SNRPD1: variants seen among roughly 807,000 people sequenced by gnomAD.
The protein encoded by SNRPD1 is small nuclear ribonucleoprotein Sm D1.
Under a neutral mutation model 14.4 loss-of-function variants are expected in SNRPD1, and 1 was observed. The ratio of observed to expected loss-of-function variants is 0.07; its 90% confidence interval spans 0.02 to 0.33. The LOEUF is 0.33. Among genes scored for constraint, SNRPD1 ranks in the 10% least tolerant of loss-of-function variants. The pLI is 1.00. For missense variants in SNRPD1, 52 were observed against 146.4 expected (o/e 0.36, Z 3.33); for synonymous variants, 42 against 50.3 (o/e 0.83, Z 0.70).
chr18:21,621,697 C>A (rs1273215579), intron 1 of SNRPD1, among the ~76,000 whole-genome samples: 1 of 152,108 alleles, frequency 6.6e-6, no homozygotes, highest in East Asian at 1.9e-4. Context: ...CCTGCCTCAG[C>A]CTTCTGAGTA....
intron 3 of SNRPD1, among the ~76,000 whole-genome samples, chr18:21,627,815 T>C (rs2039052256): frequency 6.6e-6 from 1 of 152,192 alleles, no homozygotes; most frequent in Non-Finnish European, 1.5e-5. Context: ...GTCACTACTG[T>C]ATTATCTAGA....
At chr18:21,621,286 T>A (rs2038995946) in intron 1 of SNRPD1, among the ~76,000 whole-genome samples, 1 of 152,200 alleles carries the variant, frequency 6.6e-6, no homozygotes, top group South Asian at 2.1e-4. Flanking sequence ...AGGGTTTGCA[T>A]AATTGGGTTT....
rs1195154865 is a variant in SNRPD1 at position 21,629,161 on chromosome 18, A to G, written c.*23A>G. 21 of 1,557,324 alleles carry G rather than the reference A, an allele frequency of 1.3e-5. No homozygotes were observed. Among genetic ancestry groups the G allele is most frequent in the East Asian group, 2.2e-5 (1 of 44,600 alleles). ...TAATGTCTCTCAAGATTTCAAAGTC[A>G]TATGAGATTTGGGATATTTTTTGTA... On this transcript the variant is annotated 3_prime_UTR_variant, in exon 4 of 4. Transcript: ENST00000300413.
intron 1 of SNRPD1, among the ~76,000 whole-genome samples, chr18:21,621,061 G>A (rs988392378): frequency 8.6e-5 from 13 of 151,860 alleles, no homozygotes; most frequent in African/African-American, 2.9e-4. Context: ...CCAGCTACTC[G>A]GGAGGCTGAG....
rs1213899407 is a variant in SNRPD1 at position 21,631,340 on chromosome 18, C to T, written c.*2202C>T. ...AGAGACGGGGTTTCACCATGTTGGC[C>T]AGACTTAAGACAATTCTTTAATAGT... is the stretch of plus-strand genomic sequence containing the variant. On this transcript the variant is annotated 3_prime_UTR_variant, in exon 4 of 4. Transcript: ENST00000300413. The T allele has an allele frequency of 6.8e-6, 1 of 146,840 alleles. No homozygotes were observed. Among genetic ancestry groups the T allele is most frequent in the Non-Finnish European group, 1.5e-5 (1 of 67,200 alleles). The allele number at this position is 146,840 out of a possible 1,614,324, so 9.1% of individuals were successfully genotyped here. A position where few individuals can be genotyped will look rare whatever the true frequency, so the allele number is the denominator to read the frequency against.
chr18:21,626,067 G>T (rs1392433750), intron 3 of SNRPD1, among the ~76,000 whole-genome samples: 1 of 152,068 alleles, frequency 6.6e-6, no homozygotes, highest in Non-Finnish European at 1.5e-5. Context: ...TACAGTTTTT[G>T]TGTGTACACA....
At chr18:21,623,579 C>T (rs978249867) in intron 2 of SNRPD1, among the ~76,000 whole-genome samples, 169 bp from the exon 3 acceptor site, 1 of 152,226 alleles carries the variant, frequency 6.6e-6, no homozygotes, top group Non-Finnish European at 1.5e-5. Flanking sequence ...ACACTGCTGA[C>T]ATTCCCCCAT....
intron 1 of SNRPD1, among the ~76,000 whole-genome samples, chr18:21,619,722 T>C (rs574823836): frequency 7.3e-5 from 11 of 151,440 alleles, no homozygotes; most frequent in African/African-American, 2.7e-4. Flanking sequence ...GGAGGTTGCA[T>C]TGAGCCAAGA....
chr18:21,628,086 A>G (rs1392721104), intron 3 of SNRPD1, among the ~76,000 whole-genome samples: 1 of 152,136 alleles, frequency 6.6e-6, no homozygotes, highest in African/African-American at 2.4e-5. Flanking sequence ...AGTGTGTACA[A>G]ATTTCTAATG....
chr18:21,618,357 AAAAC>A (rs2038973056), intron 1 of SNRPD1, among the ~76,000 whole-genome samples: 2 of 151,922 alleles, frequency 1.3e-5, no homozygotes, highest in African/African-American at 4.8e-5. Flanking sequence ...AAACACAAAA[AAAAC>A]CTCTGTATAT....
rs578090427 is a variant in SNRPD1, at chr18:21,631,092, A to C, written c.*1954A>C. On this transcript the variant is annotated 3_prime_UTR_variant, in exon 4 of 4. Transcript: ENST00000300413. The stretch of plus-strand genomic sequence containing the variant: ...AGTTGTATTACAGGTTCTATGATCC[A>C]AAAAGGGATGTATGAAATTCATGAT... 2.0e-5 allele frequency: 3 copies of C among 152,096 alleles called. No individual in the cohort carries two copies. In the South Asian group the frequency reaches 6.2e-4, roughly 32 times the overall value. 9.4% of individuals were successfully genotyped at this position (152,096 alleles called of 1,614,324 possible).
chr18:21,615,275 T>A (rs2038948890), intron 1 of SNRPD1, among the ~76,000 whole-genome samples: 1 of 152,236 alleles, frequency 6.6e-6, no homozygotes, highest in Non-Finnish European at 1.5e-5. Flanking sequence ...GTATCAGTAA[T>A]GTGTTCATTT....
At chr18:21,618,932 G>GA (rs1455216226) in intron 1 of SNRPD1, among the ~76,000 whole-genome samples, 1 of 152,190 alleles carries the variant, frequency 6.6e-6, no homozygotes, top group Non-Finnish European at 1.5e-5. Flanking sequence ...CTACCCTCAA[G>GA]AATAGTCTAG....
intron 1 of SNRPD1, among the ~76,000 whole-genome samples, chr18:21,619,642 T>TG (rs2038983140): frequency 6.6e-6 from 1 of 151,668 alleles, no homozygotes; most frequent in Non-Finnish European, 1.5e-5. Context: ...CAGCCAGGTG[T>TG]GGTGGCAGGC....
intron 1 of SNRPD1, among the ~76,000 whole-genome samples, chr18:21,617,489 C>A (rs1265660672): frequency 6.6e-6 from 1 of 152,150 alleles, no homozygotes; most frequent in African/African-American, 2.4e-5. Flanking sequence ...CATAATTTGT[C>A]TTCCTAGAGA....
chr18:21,620,951 CAGA>C (rs1187803216), intron 1 of SNRPD1, among the ~76,000 whole-genome samples: 1 of 151,872 alleles, frequency 6.6e-6, no homozygotes, highest in African/African-American at 2.4e-5. Flanking sequence ...ATCACGAGGT[CAGA>C]AGATCAAGGC....
At chr18:21,624,460 G>A (rs2039020919) in intron 3 of SNRPD1, among the ~76,000 whole-genome samples, 1 of 151,674 alleles carries the variant, frequency 6.6e-6, no homozygotes, top group Non-Finnish European at 1.5e-5. Context: ...GGGAGGCCAA[G>A]GTGGGCAGAT....
chr18:21,612,316 T>A lies in SNRPD1; in HGVS notation c.-114T>A. 2 of 692,044 alleles carry A rather than the reference T, an allele frequency of 2.9e-6. No homozygotes were observed. Among genetic ancestry groups the A allele is most frequent in the Non-Finnish European group, 2.3e-6 (1 of 437,516 alleles). 42.9% of individuals were successfully genotyped at this position (692,044 alleles called of 1,614,324 possible). On this transcript the variant is annotated 5_prime_UTR_variant, in exon 1 of 4. Coordinates refer to ENST00000300413, the MANE Select transcript of SNRPD1 (RefSeq NM_006938.4). ...GCGCCTGCAGTGCTCCGCGCGCTCT[T>A]GACGTCCGGAGCCCCTGGAGTAGGC...
Position 21,630,509 on chromosome 18 carries a change from C to T in SNRPD1, c.*1371C>T, listed in dbSNP as rs2039073687. On this transcript the variant is annotated 3_prime_UTR_variant, in exon 4 of 4. Transcript: ENST00000300413. Reference sequence around the variant, plus strand: ...GGGTGTGGTGGCTCACGCCTGTAATCCCAGCACTTTGGGAGGCCGAGGCAG... The same window carrying T: ...GGGTGTGGTGGCTCACGCCTGTAATTCCAGCACTTTGGGAGGCCGAGGCAG... 1 of 151,778 alleles carries T rather than the reference C, an allele frequency of 6.6e-6. No individual in the cohort carries two copies. The highest frequency in any genetic ancestry group is 6.6e-5 in the Admixed American group (1 of 15,228). 9.4% of individuals were successfully genotyped at this position (151,778 alleles called of 1,614,324 possible).
Sources: gnomAD v4.1 joint callset for allele counts (sites outside exome capture counted in the v4.1 genomes callset) on GRCh38, gnomAD v4.1.1 for gene constraint, MANE v1.5 for transcripts, NCBI Gene and HGNC (gene_info 2026-07-23, HGNC 2026-07-21) for gene names.